MYCBP2: variants seen among roughly 807,000 people sequenced by gnomAD.
The protein encoded by MYCBP2 is E3 ubiquitin-protein ligase MYCBP2.
Under a neutral mutation model 525.3 loss-of-function variants are expected in MYCBP2, and 120 were observed. The observed-to-expected ratio is 0.23, with a 90% CI of 0.20 to 0.27. MYCBP2 has a LOEUF of 0.27. MYCBP2 is among the 10% of genes least tolerant of loss of function. MYCBP2 has a pLI of 1.00. For synonymous variants in MYCBP2, 1,894 were observed against 1,955.8 expected (o/e 0.97, Z 0.83); for missense variants, 4,149 against 5,657.1 (o/e 0.73, Z 8.55).
At position 77,093,151 on chromosome 13, in the gene MYCBP2, G is replaced by A; in HGVS notation, c.10367+14C>T. The A allele has an allele frequency of 1.3e-6, 2 of 1,599,802 alleles. No individual in the cohort carries two copies. Among genetic ancestry groups the A allele is most frequent in the Non-Finnish European group, 1.7e-6 (2 of 1,173,430 alleles). On this transcript the variant is annotated intron_variant, in intron 59 of 82. Coordinates refer to ENST00000544440, the MANE Select transcript of MYCBP2 (RefSeq NM_015057.5). ...AACACTAGCTATTCAACAGACAGGA[G>A]AGAACTAAAATACCTTGGTGGCATA...
chr13:77,207,956 A>T (rs111723741), intron 23 of MYCBP2, among the ~76,000 whole-genome samples: 9 of 151,048 alleles, frequency 6.0e-5, no homozygotes, highest in African/African-American at 2.2e-4. Flanking sequence ...CCCCCCACCA[A>T]GCCCCACCCG....
At chr13:77,136,037 T>C (rs895678969) in intron 52 of MYCBP2, among the ~76,000 whole-genome samples, 1 of 152,062 alleles carries the variant, frequency 6.6e-6, no homozygotes, top group African/African-American at 2.4e-5. Flanking sequence ...GATTTCACCA[T>C]CTTGAACTGC....
At chr13:77,258,895 ACT>A (rs1436509842) in intron 13 of MYCBP2, among the ~76,000 whole-genome samples, 1 of 152,168 alleles carries the variant, frequency 6.6e-6, no homozygotes, top group Non-Finnish European at 1.5e-5. Context: ...CAAAAAGAAA[ACT>A]CTTAAATGTT....
chr13:77,207,068 ATAATACTTGACT>A (rs1237206622), intron 23 of MYCBP2, among the ~76,000 whole-genome samples: 1 of 152,222 alleles, frequency 6.6e-6, no homozygotes, highest in Admixed American at 6.5e-5. Flanking sequence ...AATGTAGATT[ATAATACTTGACT>A]GTATAAAGTT....
At chr13:77,071,271 G>GCACGCACACA (rs1555305948) in intron 68 of MYCBP2, among the ~76,000 whole-genome samples, 2 of 142,656 alleles carry the variant, frequency 1.4e-5, no homozygotes, top group Admixed American at 6.9e-5. Flanking sequence ...GTGTGCACAC[G>GCACGCACACA]CACACACACA....
chr13:77,305,553 C>A (rs543629165), intron 1 of MYCBP2, among the ~76,000 whole-genome samples: 42 of 152,100 alleles, frequency 2.8e-4, no homozygotes, highest in Non-Finnish European at 5.2e-4. Context: ...AAACTGACTG[C>A]TAATAGCTTT....
chr13:77,318,417 AAC>A (rs2081214560), intron 1 of MYCBP2, among the ~76,000 whole-genome samples: 1 of 152,248 alleles, frequency 6.6e-6, no homozygotes, highest in East Asian at 1.9e-4. Flanking sequence ...TTGAAAAAAT[AAC>A]ACATAAATTG....
intron 73 of MYCBP2, 78 bp from the exon 74 acceptor site, chr13:77,062,775 A>G (rs2039532051): frequency 3.6e-6 from 4 of 1,096,108 alleles, no homozygotes; most frequent in Non-Finnish European, 5.5e-6. Context: ...ACATCACAAC[A>G]GCTCAATAAA....
chr13:77,110,389 T>C (rs1015976580), intron 55 of MYCBP2, among the ~76,000 whole-genome samples: 8 of 152,142 alleles, frequency 5.3e-5, no homozygotes, highest in Non-Finnish European at 8.8e-5. Context: ...CCTGGTGAAA[T>C]TGAGGTCAGA....
chr13:77,279,038 A>C lies in MYCBP2; in HGVS notation c.595-127T>G, dbSNP rs2075918996. ...GTATATGTATAATGGAGCCATAATA[A>C]AACATCATGAAAATGGCTTATAACA... On this transcript the variant is annotated intron_variant, in intron 3 of 82. Transcript: ENST00000544440. 2.1e-5 allele frequency: 11 copies of C among 512,438 alleles called. No homozygotes were observed. In the East Asian group the frequency reaches 3.9e-4, roughly 18 times the overall value. 31.7% of individuals were successfully genotyped at this position (512,438 alleles called of 1,614,324 possible).
At chr13:77,306,483 A>G (rs941441230) in intron 1 of MYCBP2, among the ~76,000 whole-genome samples, 1 of 152,164 alleles carries the variant, frequency 6.6e-6, no homozygotes. Flanking sequence ...AAGTCTTCAC[A>G]TGGGGGGAGG....
At chr13:77,101,107 G>A (rs73239464) in intron 55 of MYCBP2, among the ~76,000 whole-genome samples, 3,378 of 152,138 alleles carry the variant, frequency 0.022, 57 homozygotes, top group Middle Eastern at 0.075. Context: ...TCTGACAGCT[G>A]GAGACATGTT....
chr13:77,156,481 TA>T (rs1386855401), intron 45 of MYCBP2, among the ~76,000 whole-genome samples: 1 of 152,224 alleles, frequency 6.6e-6, no homozygotes, highest in Non-Finnish European at 1.5e-5. Context: ...TAACTATGGC[TA>T]ATTTAAAATC....
intron 63 of MYCBP2, chr13:77,082,259 G>A (rs2043430240): frequency 1.6e-5 from 5 of 316,644 alleles, no homozygotes; most frequent in Non-Finnish European, 2.3e-5. Flanking sequence ...CAAGGCTACA[G>A]AAGCAAAAAG....
At chr13:77,291,496 T>G (rs2077465286) in intron 2 of MYCBP2, among the ~76,000 whole-genome samples, 1 of 152,216 alleles carries the variant, frequency 6.6e-6, no homozygotes, top group South Asian at 2.1e-4. Context: ...ACAGGCCGGG[T>G]GCAGTGACTC....
chr13:77,271,869 C>T (rs2074946611), intron 5 of MYCBP2, among the ~76,000 whole-genome samples: 1 of 152,170 alleles, frequency 6.6e-6, no homozygotes, highest in African/African-American at 2.4e-5. Context: ...TCTCCCTCTA[C>T]CAACAGTCAG....
rs1420018424 is a variant in MYCBP2 at position 77,082,916 on chromosome 13, T to C, written c.11036+116A>G. The C allele has an allele frequency of 6.2e-6, 6 of 965,070 alleles. No individual in the cohort carries two copies. In the Admixed American group the frequency reaches 1.7e-4, roughly 27 times the overall value. 59.8% of individuals were successfully genotyped at this position (965,070 alleles called of 1,614,324 possible). On this transcript the variant is annotated intron_variant, in intron 63 of 82. Transcript: ENST00000544440. The stretch of plus-strand genomic sequence containing the variant: ...TGTAAGGAGGGAGGCACCATCTATA[T>C]AATGTAGGGATTCTATCTTACTATT...
Position 77,087,537 on chromosome 13 carries a change from G to T in MYCBP2, c.10822C>A (p.Pro3608Thr). The T allele has an allele frequency of 1.2e-6, 2 of 1,612,766 alleles. No homozygotes were observed. The highest frequency in any genetic ancestry group is 1.7e-6 in the Non-Finnish European group (2 of 1,179,418). ...VASLTPAPVE[P>T]EEEEDEENKT... ...TTTTCTTCATCCTCTTCTTCCTCTG[G>T]TTCCACTGGTGCAGGAGTCAGTGAT... The change falls in exon 62 of 83, where the codon CCA (proline) becomes ACA (threonine). Residue 3608 changes from proline to threonine, a missense_variant. This residue lies in a region of MYCBP2 where 509 missense variants were observed against 789.4 expected (regional missense o/e 0.64). Coordinates refer to ENST00000544440, the MANE Select transcript of MYCBP2 (RefSeq NM_015057.5).
intron 38 of MYCBP2, among the ~76,000 whole-genome samples, chr13:77,170,826 C>T (rs569032473): frequency 9.2e-5 from 14 of 152,176 alleles, no homozygotes; most frequent in Admixed American, 1.3e-4. Flanking sequence ...CTGCCTTCCT[C>T]GGCCTCCCAA....
Sources: gnomAD v4.1 joint callset for allele counts (sites outside exome capture counted in the v4.1 genomes callset) on GRCh38, gnomAD v4.1.1 for gene constraint, gnomAD v4.1.1 regional missense constraint, MANE v1.5 for transcripts, NCBI Gene and HGNC (gene_info 2026-07-23, HGNC 2026-07-21) for gene names.